The following GALNTL6 variants were observed in gnomAD, a reference collection of about 807,000 sequenced individuals.
GALNTL6 encodes the protein polypeptide N-acetylgalactosaminyltransferase like 6, also known as polypeptide N-acetylgalactosaminyltransferase-like 6.
A neutral mutation model predicts 73.7 loss-of-function variants in GALNTL6; 46 were observed. The ratio of observed to expected loss-of-function variants is 0.62; its 90% CI spans 0.49 to 0.80. The LOEUF is 0.80. Among genes scored for constraint, GALNTL6 ranks in the 30% least tolerant of loss-of-function variants. The pLI, the probability that GALNTL6 is intolerant of heterozygous loss-of-function variation, is 0.00. For synonymous variants in GALNTL6, 259 were observed against 263.7 expected (o/e 0.98, Z 0.17); for missense variants, 604 against 755.0 (o/e 0.80, Z 2.34).
intron 5 of GALNTL6, among the ~76,000 whole-genome samples, chr4:172,359,402 G>A (rs1301478764): frequency 6.6e-6 from 1 of 152,010 alleles, no homozygotes; most frequent in Non-Finnish European, 1.5e-5. Flanking sequence ...TAAATATTGG[G>A]TACTAGGCTT....
intron 2 of GALNTL6, among the ~76,000 whole-genome samples, chr4:172,173,512 TG>T (rs1221420864): frequency 6.6e-6 from 1 of 152,200 alleles, no homozygotes; most frequent in Admixed American, 6.5e-5. Context: ...ACCTTCTGCG[TG>T]GGCCAACCTC....
intron 2 of GALNTL6, among the ~76,000 whole-genome samples, chr4:171,988,620 C>T (rs1011239489): frequency 1.1e-4 from 17 of 152,068 alleles, no homozygotes; most frequent in South Asian, 4.1e-4. Context: ...GTTGATAAGG[C>T]ACAGATTCTG....
intron 5 of GALNTL6, among the ~76,000 whole-genome samples, chr4:172,361,872 A>G (rs1742383558): frequency 6.6e-6 from 1 of 152,138 alleles, no homozygotes; most frequent in Admixed American, 6.5e-5. Context: ...TGTGCTCATG[A>G]ACAAGTTATA....
intron 5 of GALNTL6, among the ~76,000 whole-genome samples, chr4:172,405,755 C>A (rs1744217693): frequency 6.6e-6 from 1 of 150,862 alleles, no homozygotes; most frequent in South Asian, 2.1e-4. Flanking sequence ...CAATCTCTTC[C>A]TTTTATTGAT....
At chr4:172,821,267 C>T (rs1199091808) in intron 7 of GALNTL6, among the ~76,000 whole-genome samples, 2 of 152,152 alleles carry the variant, frequency 1.3e-5, no homozygotes, top group Admixed American at 6.5e-5. Flanking sequence ...AAAATCAGGA[C>T]TCAAATCAAT....
intron 10 of GALNTL6, among the ~76,000 whole-genome samples, chr4:173,008,513 A>G (rs1422323630): frequency 6.6e-6 from 1 of 152,238 alleles, no homozygotes; most frequent in African/African-American, 2.4e-5. Context: ...CAGCAAGTCA[A>G]TACACCAAGA....
At position 172,893,745 on chromosome 4, in the gene GALNTL6, G is replaced by A. The variant is rs200734087; in HGVS notation, c.1041+10838G>A. ...AGAGCCTGGGGGGAAGGGTACCTATGGTCACATTTTGTTGCAGCTGCAGTG... is the reference window on the plus strand; with the variant it reads ...AGAGCCTGGGGGGAAGGGTACCTATAGTCACATTTTGTTGCAGCTGCAGTG... On this transcript the variant is annotated intron_variant, in intron 8 of 12. Transcript: ENST00000506823. 2.6e-5 allele frequency among the ~76,000 whole-genome samples: 4 copies of A among 152,296 alleles called. No homozygotes were observed. The East Asian group carries it at 5.8e-4, about 22-fold the overall frequency.
chr4:172,098,557 G>A (rs1216737019), intron 2 of GALNTL6, among the ~76,000 whole-genome samples: 1 of 152,150 alleles, frequency 6.6e-6, no homozygotes, highest in East Asian at 1.9e-4. Flanking sequence ...GTTTCATTAT[G>A]CAGCCAAATG....
At chr4:171,923,983 C>G (rs930975878) in intron 2 of GALNTL6, among the ~76,000 whole-genome samples, 1 of 151,832 alleles carries the variant, frequency 6.6e-6, no homozygotes, top group African/African-American at 2.4e-5. Flanking sequence ...GTTTATTTAA[C>G]TAGGATTTTT....
chr4:172,681,585 G>A (rs1003812346), intron 5 of GALNTL6, among the ~76,000 whole-genome samples: 3 of 152,000 alleles, frequency 2.0e-5, no homozygotes, highest in African/African-American at 7.3e-5. Context: ...GCAAAAAATT[G>A]TTTGTATTCT....
chr4:172,205,624 T>G (rs772298467), intron 2 of GALNTL6, among the ~76,000 whole-genome samples: 2 of 152,228 alleles, frequency 1.3e-5, no homozygotes, highest in Non-Finnish European at 2.9e-5. Context: ...AGTCCCATTC[T>G]TACATGCAGA....
intron 5 of GALNTL6, among the ~76,000 whole-genome samples, chr4:172,571,965 T>C (rs1736778891): frequency 6.6e-6 from 1 of 152,162 alleles, no homozygotes; most frequent in South Asian, 2.1e-4. Context: ...TTGAATGTGC[T>C]TTTCCCCCGT....
chr4:172,189,383 A>G (rs970019878), intron 2 of GALNTL6, among the ~76,000 whole-genome samples: 3 of 152,192 alleles, frequency 2.0e-5, no homozygotes, highest in Non-Finnish European at 4.4e-5. Context: ...CTATAAGGCC[A>G]ATTCCTTGTA....
At chr4:172,973,720 T>C (rs979774568) in intron 10 of GALNTL6, among the ~76,000 whole-genome samples, 1 of 152,228 alleles carries the variant, frequency 6.6e-6, no homozygotes, top group African/African-American at 2.4e-5. Context: ...GTAGTTATTG[T>C]AAATTTGTGG....
intron 2 of GALNTL6, among the ~76,000 whole-genome samples, chr4:172,069,619 C>CACATATGTGTTATATATATAACAT (rs1731494731): frequency 1.6e-4 from 1 of 6,450 alleles, no homozygotes; most frequent in South Asian, 8.8e-3. Flanking sequence ...ATATATATAA[C>CACATATGTGTTATATATATAACAT]ATATATATAT....
At chr4:172,522,137 T>A (rs1447193025) in intron 5 of GALNTL6, among the ~76,000 whole-genome samples, 1 of 152,184 alleles carries the variant, frequency 6.6e-6, no homozygotes, top group African/African-American at 2.4e-5. Context: ...TGTGTCACAA[T>A]TGAAATTTTG....
intron 5 of GALNTL6, among the ~76,000 whole-genome samples, chr4:172,592,714 ATC>A (rs1195422265): frequency 8.6e-5 from 13 of 151,966 alleles, no homozygotes; most frequent in Admixed American, 3.3e-4. Flanking sequence ...CTATCTATCT[ATC>A]GAGAGAGACT....
At chr4:172,564,955 C>A (rs1254270187) in intron 5 of GALNTL6, among the ~76,000 whole-genome samples, 1 of 152,124 alleles carries the variant, frequency 6.6e-6, no homozygotes. Context: ...TAAAAATATA[C>A]CTTAGATTGG....
At chr4:172,585,238 AC>A (rs1737356957) in intron 5 of GALNTL6, among the ~76,000 whole-genome samples, 1 of 151,712 alleles carries the variant, frequency 6.6e-6, no homozygotes, top group Non-Finnish European at 1.5e-5. Context: ...CTCCTACTAG[AC>A]TTTTTTTTTT....
Sources: gnomAD v4.1 joint callset for allele counts (sites outside exome capture counted in the v4.1 genomes callset) on GRCh38, gnomAD v4.1.1 for gene constraint, MANE v1.5 for transcripts, NCBI Gene and HGNC (gene_info 2026-07-23, HGNC 2026-07-21) for gene names.